Variants in SCAF11 observed in about 807,000 individuals in gnomAD.
SCAF11 encodes the protein SR-related CTD associated factor 11.
SCAF11 carries 47 observed loss-of-function variants against 140.5 expected under a neutral mutation model. The ratio of observed to expected loss-of-function variants is 0.33; its 90% confidence interval spans 0.26 to 0.43. The LOEUF (loss-of-function observed/expected upper bound fraction) is 0.43. SCAF11 is among the 20% of genes least tolerant of loss of function. The pLI is 1.00. For missense variants in SCAF11, 1,645 were observed against 1,705.1 expected (o/e 0.96, Z 0.62); for synonymous variants, 557 against 579.4 (o/e 0.96, Z 0.55).
chr12:45,923,278 A>G (rs2136492966), intron 12 of SCAF11, 124 bp from the exon 13 acceptor site: 1 of 725,152 alleles, frequency 1.4e-6, no homozygotes, highest in Non-Finnish European at 2.2e-6. Context: ...AGAAAAATGC[A>G]TATTTCAGGT....
In SCAF11 at chr12:45,927,413, G is replaced by A. The variant is rs201359258; in HGVS notation, c.2288C>T (p.Ala763Val). 7.4e-6 allele frequency: 12 copies of A among 1,613,698 alleles called. No homozygotes were observed. Among genetic ancestry groups the A allele is most frequent in the African/African-American group, 6.7e-5 (5 of 74,958 alleles). Residue 763 changes from alanine to valine, a missense_variant, in exon 11 of 15, where the codon GCG becomes GTG. Ala to Val is a moderately conservative substitution (Grantham distance 64). This residue lies in a region of SCAF11 where 1,582 missense variants were observed against 1,609.2 expected (regional missense o/e 0.98). Transcript: ENST00000369367. ...AGAAACAGTTTCAACCTTTTCATCC[G>A]CAAGATCAGAAGACGGCATATTATT... ...SENNMPSSDL[A>V]DEKVETVSQP...
chr12:45,961,869 A>C lies in SCAF11; in HGVS notation c.62-12T>G. On this transcript the variant is annotated splice_polypyrimidine_tract_variant and intron_variant, in intron 2 of 14. Transcript: ENST00000369367. ...TCCGTTTTCTTCACCTGTTAAAGTA[A>C]AACAGCCATATGTGCTTTCAAGTTC... 6.3e-7 allele frequency: 1 copy of C among 1,592,528 alleles called. No homozygotes were observed. The highest frequency in any genetic ancestry group is 8.5e-7 in the Non-Finnish European group (1 of 1,170,648).
intron 1 of SCAF11, among the ~76,000 whole-genome samples, chr12:45,981,272 T>C (rs541442229): frequency 6.6e-6 from 1 of 152,314 alleles, no homozygotes; most frequent in East Asian, 1.9e-4. Flanking sequence ...TAAGACATGT[T>C]AATGAGAAAG....
At position 45,934,213 on chromosome 12, in the gene SCAF11, G is replaced by A. The variant is rs751172549; in HGVS notation, c.595C>T (p.His199Tyr). ...TAGGTAAAGGAAGATTCTCCAGAGT[G>A]GCTAACAGAAGAAAACATATTGGAG... ...FFSNMFSSVS[H>Y]SGESSFTYRA... The change falls in exon 8 of 15, where the codon CAC becomes TAC. Residue 199 changes from histidine to tyrosine, a missense_variant. Transcript: ENST00000369367. The A allele has an allele frequency of 6.2e-7, 1 of 1,608,584 alleles. No individual in the cohort carries two copies. The highest frequency in any genetic ancestry group is 8.5e-7 in the Non-Finnish European group (1 of 1,175,790).
intron 6 of SCAF11, among the ~76,000 whole-genome samples, chr12:45,939,554 TG>T (rs1303095729): frequency 6.6e-6 from 1 of 152,078 alleles, no homozygotes; most frequent in Non-Finnish European, 1.5e-5. Context: ...CAAAAGTAGC[TG>T]GGCATGGTGG....
chr12:45,958,651 T>C (rs942923963), intron 3 of SCAF11, among the ~76,000 whole-genome samples: 1 of 152,206 alleles, frequency 6.6e-6, no homozygotes, highest in Non-Finnish European at 1.5e-5. Flanking sequence ...AATATAATCA[T>C]AGTGGACATG....
At chr12:45,978,036 G>A (rs1220583051) in intron 1 of SCAF11, among the ~76,000 whole-genome samples, 1 of 152,148 alleles carries the variant, frequency 6.6e-6, no homozygotes, top group South Asian at 2.1e-4. Flanking sequence ...TCTATGGGAA[G>A]AATATATTTA....
intron 9 of SCAF11, among the ~76,000 whole-genome samples, chr12:45,932,322 A>C (rs915396574): frequency 1.3e-5 from 2 of 151,940 alleles, no homozygotes; most frequent in African/African-American, 4.8e-5. Context: ...TTATTCATTT[A>C]GGTCTCCTAA....
chr12:45,925,147 T>G lies in SCAF11; in HGVS notation c.3560-73A>C, dbSNP rs910283533. 9 of 1,183,992 alleles carry G rather than the reference T, an allele frequency of 7.6e-6. 1 individual carries two copies. The African/African-American group carries it at 7.7e-5, about 10-fold the overall frequency. 73.3% of individuals were successfully genotyped at this position (1,183,992 alleles called of 1,614,324 possible). A position where few individuals can be genotyped will look rare whatever the true frequency, so the allele number is the denominator to read the frequency against. On this transcript the variant is annotated intron_variant, in intron 11 of 14. Transcript: ENST00000369367. ...TTTAGACAGAGAAACAAAGAACCAC[T>G]GGTTACAGTAAAATTAAATAGCAAT...
In SCAF11 at chr12:45,927,833, T is replaced by C. The variant is rs145757842; in HGVS notation, c.1868A>G (p.Asp623Gly). The change falls in exon 11 of 15, where the codon GAC becomes GGC. Residue 623 changes from aspartate (D) to glycine (G), a missense_variant. By Grantham distance (94) the Asp-to-Gly change is moderately conservative. Around this residue, in one of 2 missense-constraint regions of SCAF11, gnomAD observed 1,582 missense variants for 1,609.2 expected, o/e 0.98. Coordinates refer to ENST00000369367, the MANE Select transcript of SCAF11 (RefSeq NM_004719.3). ...CTCTGGGCTCTTAACAGATTGTCTG[T>C]CCACTGTCTGTATAATTTCACCCTC... ...SSEGEIIQTV[D>G]RQSVKSPEVQ... is the part of the protein sequence containing the mutation. 2,972 of 1,614,040 alleles carry C rather than the reference T, an allele frequency of 1.8e-3. 6 individuals carry two copies. The highest frequency in any genetic ancestry group is 3.1e-3 in the Admixed American group (185 of 60,010).
At position 45,928,792 on chromosome 12, in the gene SCAF11, A is replaced by C; in HGVS notation, c.909T>G (p.Gly303=). 1 of 1,613,540 alleles carries C rather than the reference A, an allele frequency of 6.2e-7. No individual in the cohort carries two copies. The highest frequency in any genetic ancestry group is 8.5e-7 in the Non-Finnish European group (1 of 1,179,972). The change falls in exon 11 of 15, where the codon GGT becomes GGG. Residue 303 remains glycine, a synonymous_variant. Coordinates refer to ENST00000369367, the MANE Select transcript of SCAF11 (RefSeq NM_004719.3). ...QEGEEKKQTS[G]TSNTRGSRRK... is the part of the protein sequence containing the mutation. ...GTCTTGATCCTCTGGTATTTGATGT[A>C]CCAGAAGTTTGCTTCTTTTCTTCCC...
chr12:45,985,013 A>G (rs956897260), intron 1 of SCAF11, among the ~76,000 whole-genome samples: 2 of 152,242 alleles, frequency 1.3e-5, no homozygotes, highest in South Asian at 2.1e-4. Flanking sequence ...ACTTTTGGAC[A>G]TAAGAAAATG....
chr12:45,929,639 T>G (rs1215941624), intron 10 of SCAF11: 4 of 152,206 alleles, frequency 2.6e-5, no homozygotes, highest in African/African-American at 9.7e-5. Context: ...AGCCTCCAAG[T>G]TGTAATTTCA....
intron 1 of SCAF11, chr12:45,975,188 C>G (rs919521885): frequency 6.6e-6 from 1 of 152,100 alleles, no homozygotes; most frequent in African/African-American, 2.4e-5. Flanking sequence ...AGAGTAGATT[C>G]AGTATAATTC....
rs1360013146 is a variant in SCAF11, at chr12:45,927,715, G to A, written c.1986C>T (p.Asp662=). 6.2e-7 allele frequency: 1 copy of A among 1,611,780 alleles called. No homozygotes were observed. The highest frequency in any genetic ancestry group is 1.3e-5 in the African/African-American group (1 of 74,796). ...TATTTTTTAGTAAGTTATTTTCAGA[G>A]TCTTGAATATTATTGAAATCTTCAT... The part of the protein sequence containing the change: ...FGNEDFNNIQ[D]SENNLLKNNL... The change falls in exon 11 of 15, where the codon GAC becomes GAT. Residue 662 remains aspartate (D), a synonymous_variant. Coordinates refer to ENST00000369367, the MANE Select transcript of SCAF11 (RefSeq NM_004719.3).
At position 45,921,858 on chromosome 12, in the gene SCAF11, G is replaced by T; in HGVS notation, c.*190C>A. On this transcript the variant is annotated 3_prime_UTR_variant, in exon 15 of 15. Transcript: ENST00000369367. ...GAATTTTGTGGGGGAGGGTGGAGGG[G>T]AAGGAAGGATACAGAAGTTGCAGTG... The T allele has an allele frequency of 1.7e-6, 1 of 589,822 alleles. No individual in the cohort carries two copies. The highest frequency in any genetic ancestry group is 2.8e-6 in the Non-Finnish European group (1 of 351,074). The allele number at this position is 589,822 out of a possible 1,614,324, so 36.5% of individuals were successfully genotyped here.
intron 3 of SCAF11, among the ~76,000 whole-genome samples, chr12:45,953,376 A>G (rs1945595994): frequency 6.6e-6 from 1 of 152,166 alleles, no homozygotes; most frequent in Non-Finnish European, 1.5e-5. Context: ...GGTTTTCAAA[A>G]ATATTTAAAA....
intron 5 of SCAF11, among the ~76,000 whole-genome samples, chr12:45,947,404 C>A (rs575560498): frequency 6.6e-6 from 1 of 152,158 alleles, no homozygotes; most frequent in African/African-American, 2.4e-5. Flanking sequence ...AAAAAAGAAA[C>A]CTGTATATTT....
rs35623702 is a variant in SCAF11, at chr12:45,934,519, TA to T, written c.464-15del. 2.6e-6 allele frequency: 4 copies of T among 1,538,936 alleles called. No homozygotes were observed. In the African/African-American group the frequency reaches 5.6e-5, roughly 22 times the overall value. ...ATAAAGAGTTTCCTGTACAAAGACATAAAAGGACTTGGTTACCTTGTATTAA... is the reference window on the plus strand; with the variant it reads ...ATAAAGAGTTTCCTGTACAAAGACATAAAGGACTTGGTTACCTTGTATTAA... On this transcript the variant is annotated splice_polypyrimidine_tract_variant and intron_variant, in intron 6 of 14. Transcript: ENST00000369367.
Sources: allele counts gnomAD v4.1 joint callset (sites outside exome capture counted in the v4.1 genomes callset), GRCh38; gene constraint gnomAD v4.1.1; regional missense constraint gnomAD v4.1.1; transcripts MANE v1.5; gene names NCBI Gene and HGNC (gene_info 2026-07-23, HGNC 2026-07-21).